OLFML2B: variants seen among roughly 807,000 people sequenced by gnomAD.
OLFML2B encodes olfactomedin like 2B, also known as olfactomedin-like protein 2B.
Under a neutral mutation model 74.9 loss-of-function variants are expected in OLFML2B, and 57 were observed. The observed-to-expected ratio is 0.76, with a 90% CI of 0.61 to 0.95. The LOEUF (loss-of-function observed/expected upper bound fraction) is 0.95. Ranked by LOEUF, OLFML2B falls within the 40% of genes least tolerant of loss-of-function variation. The pLI is 0.00. For missense variants in OLFML2B, 986 were observed against 970.6 expected (o/e 1.02, Z -0.21); for synonymous variants, 388 against 405.8 (o/e 0.96, Z 0.53).
rs138512590 is a variant in OLFML2B at position 161,997,956 on chromosome 1, T to A, written c.1343A>T (p.His448Leu). The change falls in exon 6 of 8, where the codon CAC becomes CTC. Residue 448 changes from histidine (H) to leucine (L), a missense_variant. Coordinates refer to ENST00000294794, the MANE Select transcript of OLFML2B (RefSeq NM_015441.3). The part of the protein sequence containing the change: ...SPREALMEAM[H>L]TVPVPPTTVR... The stretch of plus-strand genomic sequence containing the variant: ...TGTGGTGGGAGGCACTGGGACTGTG[T>A]GCATAGCTTCCATCAATGCCTCCCT... 23 of 1,614,090 alleles carry A rather than the reference T, an allele frequency of 1.4e-5. No homozygotes were observed. The highest frequency in any genetic ancestry group is 1.3e-4 in the African/African-American group (10 of 74,932).
chr1:162,013,373 C>T (rs897685557), intron 3 of OLFML2B, among the ~76,000 whole-genome samples: 2 of 152,128 alleles, frequency 1.3e-5, no homozygotes, highest in African/African-American at 4.8e-5. Context: ...TTTCAGACCT[C>T]CCCCAGTGAA....
chr1:162,003,547 G>A (rs947250067), intron 4 of OLFML2B, among the ~76,000 whole-genome samples: 2 of 152,122 alleles, frequency 1.3e-5, no homozygotes, highest in East Asian at 1.9e-4. Context: ...GGGCGGCAGC[G>A]GCCCCCTCCA....
At chr1:162,014,429 T>C (rs1405439345) in intron 3 of OLFML2B, among the ~76,000 whole-genome samples, 1 of 152,174 alleles carries the variant, frequency 6.6e-6, no homozygotes, top group East Asian at 1.9e-4. Flanking sequence ...CTATATCCCA[T>C]AAATGTGTGC....
At chr1:162,017,274 C>T in intron 3 of OLFML2B, 126 bp downstream of exon 3, 3 of 656,036 alleles carry the variant, frequency 4.6e-6, no homozygotes, top group South Asian at 1.9e-5. Flanking sequence ...GTATATTTTC[C>T]CTTTCATAGA....
chr1:162,006,962 T>C (rs953085852), intron 3 of OLFML2B, among the ~76,000 whole-genome samples: 5 of 152,192 alleles, frequency 3.3e-5, no homozygotes. Context: ...AAAACTACTC[T>C]GCCTTTTTAG....
At chr1:162,019,016 A>G (rs935783080) in intron 2 of OLFML2B, among the ~76,000 whole-genome samples, 3 of 152,198 alleles carry the variant, frequency 2.0e-5, no homozygotes, top group Non-Finnish European at 2.9e-5. Flanking sequence ...AAGTTGTTCC[A>G]TGGCAGAGCT....
At position 161,993,865 on chromosome 1, in the gene OLFML2B, G is replaced by A. The variant is rs142058342; in HGVS notation, c.1474+3960C>T. 1.3e-3 allele frequency among the ~76,000 whole-genome samples: 198 copies of A among 152,280 alleles called. 4 individuals carry two copies. The East Asian group carries it at 0.029, about 22-fold the overall frequency. ...TGCCAGCCACACTTCCCATGTGCTC[G>A]GCCACTTCAGTCACTGCTGCCTCCC... is the stretch of plus-strand genomic sequence containing the variant. On this transcript the variant is annotated intron_variant, in intron 6 of 7. Transcript: ENST00000294794.
At position 162,019,902 on chromosome 1, in the gene OLFML2B, C is replaced by G. The variant is rs1459805460; in HGVS notation, c.438+17G>C. ...AGTGCCCTCTCGTCCAAGGCATTGC[C>G]CCATACCAGGTCCTACCTTCAAGTC... On this transcript the variant is annotated intron_variant, in intron 2 of 7. Coordinates refer to ENST00000294794, the MANE Select transcript of OLFML2B (RefSeq NM_015441.3). 7 of 1,613,084 alleles carry G rather than the reference C, an allele frequency of 4.3e-6. No homozygotes were observed. Among genetic ancestry groups the G allele is most frequent in the South Asian group, 3.3e-5 (3 of 90,962 alleles).
chr1:161,993,716 G>A (rs554123036), intron 6 of OLFML2B, among the ~76,000 whole-genome samples: 13 of 152,244 alleles, frequency 8.5e-5, no homozygotes, highest in South Asian at 2.1e-4. Context: ...CCAACCTGGC[G>A]CATGCTCTTG....
At chr1:162,019,789 A>G in intron 2 of OLFML2B, 130 bp downstream of exon 2, 2 of 1,178,848 alleles carry the variant, frequency 1.7e-6, no homozygotes, top group Non-Finnish European at 2.3e-6. Flanking sequence ...ACCTTGATCC[A>G]CACACAGCAC....
intron 5 of OLFML2B, 129 bp from the exon 6 acceptor site, chr1:161,998,478 G>A: frequency 1.0e-6 from 1 of 989,998 alleles, no homozygotes; most frequent in South Asian, 1.8e-5. Flanking sequence ...GTTACAGAGG[G>A]GGCCTGGCTG....
chr1:162,004,975 T>A (rs1358157190), intron 4 of OLFML2B, among the ~76,000 whole-genome samples: 1 of 152,234 alleles, frequency 6.6e-6, no homozygotes, highest in East Asian at 1.9e-4. Context: ...TGCCATCCCC[T>A]GGCTGCCCAG....
chr1:162,018,270 C>T lies in OLFML2B; in HGVS notation c.439-763G>A, dbSNP rs2101979691. ...CTCTATAACAAACCTGCACATGTAC[C>T]CCTGAACCTAAAATACAAGTTAAAA... On this transcript the variant is annotated intron_variant, in intron 2 of 7. Transcript: ENST00000294794. 1.3e-5 allele frequency among the ~76,000 whole-genome samples: 2 copies of T among 152,230 alleles called. 1 individual carries two copies. The highest frequency in any genetic ancestry group is 4.2e-4 in the South Asian group (2 of 4,814).
chr1:162,002,957 G>A (rs1206143642), intron 4 of OLFML2B, among the ~76,000 whole-genome samples: 1 of 152,224 alleles, frequency 6.6e-6, no homozygotes, highest in Non-Finnish European at 1.5e-5. Flanking sequence ...AATGGGGAAG[G>A]TAGATACCAT....
In OLFML2B at chr1:162,023,437, C is replaced by T; in HGVS notation, c.-7G>A. 2 of 1,549,472 alleles carry T rather than the reference C, an allele frequency of 1.3e-6. No homozygotes were observed. The highest frequency in any genetic ancestry group is 1.4e-5 in the African/African-American group (1 of 72,724). On this transcript the variant is annotated 5_prime_UTR_variant, in exon 1 of 8. Coordinates refer to ENST00000294794, the MANE Select transcript of OLFML2B (RefSeq NM_015441.3). ...GCAGCCGAGGCTTGGCCATGAGGGG[C>T]GCGATAAGAGTGTCCTCAGCCCCTT...
chr1:161,990,949 C>T (rs1345000705), intron 6 of OLFML2B, among the ~76,000 whole-genome samples: 1 of 152,214 alleles, frequency 6.6e-6, no homozygotes, highest in East Asian at 1.9e-4. Context: ...TTTCTTTGTT[C>T]ATCAATAAGA....
At chr1:161,988,746 A>G (rs1269893539) in intron 6 of OLFML2B, among the ~76,000 whole-genome samples, 1 of 152,036 alleles carries the variant, frequency 6.6e-6, no homozygotes, top group African/African-American at 2.4e-5. Context: ...TTCTTCCTGC[A>G]GACTCAGCTC....
At chr1:161,995,994 GGCAGTCT>G (rs1378319213) in intron 6 of OLFML2B, among the ~76,000 whole-genome samples, 1 of 152,096 alleles carries the variant, frequency 6.6e-6, no homozygotes. Context: ...CTGACCCCAA[GGCAGTCT>G]GCAGAAACAC....
chr1:161,987,209 G>C (rs778803434), intron 6 of OLFML2B, among the ~76,000 whole-genome samples: 6 of 152,244 alleles, frequency 3.9e-5, no homozygotes, highest in Non-Finnish European at 8.8e-5. Flanking sequence ...TCCTTCACCA[G>C]AGTGCATGGA....
Sources: gnomAD v4.1 joint callset for allele counts (sites outside exome capture counted in the v4.1 genomes callset) on GRCh38, gnomAD v4.1.1 for gene constraint, MANE v1.5 for transcripts, NCBI Gene and HGNC (gene_info 2026-07-23, HGNC 2026-07-21) for gene names.